The following BCL2 variants were observed in gnomAD, a reference collection of about 807,000 sequenced individuals.
The protein encoded by BCL2 is BCL2 apoptosis regulator.
A neutral mutation model predicts 14.2 loss-of-function variants in BCL2; 1 was observed. That is an observed-to-expected ratio of 0.07 (90% CI 0.02 to 0.33). The LOEUF (loss-of-function observed/expected upper bound fraction) is 0.33. Among genes scored for constraint, BCL2 ranks in the 10% least tolerant of loss-of-function variants. The pLI is 0.99. For missense variants in BCL2, 247 were observed against 305.9 expected, an observed-to-expected ratio of 0.81 and a Z score of 1.44; for synonymous variants, 151 against 137.2, an observed-to-expected ratio of 1.10 and a Z score of -0.70.
chr18:63,263,239 T>C (rs1305722483), intron 2 of BCL2, among the ~76,000 whole-genome samples: 2 of 152,178 alleles, frequency 1.3e-5, no homozygotes, highest in Non-Finnish European at 2.9e-5. Flanking sequence ...AATATTCTAG[T>C]AGCATACCAC....
chr18:63,136,638 C>A (rs992459557), intron 2 of BCL2, among the ~76,000 whole-genome samples: 2 of 152,206 alleles, frequency 1.3e-5, no homozygotes, highest in Non-Finnish European at 2.9e-5. Flanking sequence ...TTATTGCTAC[C>A]GGCAAACAGA....
At chr18:63,137,469 A>T (rs1477866892) in intron 2 of BCL2, among the ~76,000 whole-genome samples, 1 of 152,214 alleles carries the variant, frequency 6.6e-6, no homozygotes, top group Non-Finnish European at 1.5e-5. Context: ...TATATGGCAG[A>T]TTTTTCAAAC....
intron 2 of BCL2, among the ~76,000 whole-genome samples, chr18:63,313,230 C>T (rs895687153): frequency 7.2e-5 from 11 of 152,286 alleles, no homozygotes; most frequent in South Asian, 2.1e-4. Flanking sequence ...CTCTCCTTGC[C>T]GTGCCTCCAA....
chr18:63,149,687 C>T lies in BCL2; in HGVS notation c.586-20928G>A, dbSNP rs1450279400. On this transcript the variant is annotated intron_variant, in intron 2 of 2. Coordinates refer to ENST00000333681, the MANE Select transcript of BCL2 (RefSeq NM_000633.3). This position sits in a 1 kb window ranked among gnomAD's most constrained non-coding sequence, Gnocchi z 4.2. ...TTTTCATTTCAGGCCTGAAAAATAACACTGTTATGACAGTGACCGGCAGAT... is the reference window on the plus strand; with the variant it reads ...TTTTCATTTCAGGCCTGAAAAATAATACTGTTATGACAGTGACCGGCAGAT... 2.0e-5 allele frequency among the ~76,000 whole-genome samples: 3 copies of T among 152,084 alleles called. No individual in the cohort carries two copies. The highest frequency in any genetic ancestry group is 4.8e-5 in the African/African-American group (2 of 41,396).
At chr18:63,251,034 G>A (rs550816639) in intron 2 of BCL2, among the ~76,000 whole-genome samples, 4 of 152,160 alleles carry the variant, frequency 2.6e-5, no homozygotes, top group South Asian at 2.1e-4. Context: ...ATGAATTGAC[G>A]TAAGACAAAT....
intron 2 of BCL2, among the ~76,000 whole-genome samples, chr18:63,211,559 G>A (rs1482495017): frequency 6.6e-6 from 1 of 152,180 alleles, no homozygotes. Context: ...CTTTGCAGGT[G>A]CACTGTCATT....
chr18:63,316,461 C>A (rs1262657874), intron 2 of BCL2: 1 of 152,150 alleles, frequency 6.6e-6, no homozygotes. Flanking sequence ...ATCAAACCAC[C>A]TACTTAACCA....
rs1353527703 is a variant in BCL2 at position 63,126,062 on chromosome 18, G to C, written c.*2563C>G. 4.6e-6 allele frequency: 1 copy of C among 217,998 alleles called. No homozygotes were observed. Among genetic ancestry groups the C allele is most frequent in the Non-Finnish European group, 9.2e-6 (1 of 108,240 alleles). The allele number at this position is 217,998 out of a possible 1,614,324, so 13.5% of individuals were successfully genotyped here. A position where few individuals can be genotyped will look rare whatever the true frequency, so the allele number is the denominator to read the frequency against. On this transcript the variant is annotated 3_prime_UTR_variant, in exon 3 of 3. Transcript: ENST00000333681. Reference sequence around the variant, plus strand: ...TACCACGTGGAGCATACTGCAAACTGACTCCATTAAAATGATTTTGGCAGG... The same window carrying C: ...TACCACGTGGAGCATACTGCAAACTCACTCCATTAAAATGATTTTGGCAGG...
At chr18:63,290,591 T>A (rs1218081287) in intron 2 of BCL2, among the ~76,000 whole-genome samples, 1 of 152,122 alleles carries the variant, frequency 6.6e-6, no homozygotes, top group Admixed American at 6.5e-5. Context: ...ATCACAGTAA[T>A]CCTGTGTGAC....
intron 2 of BCL2, among the ~76,000 whole-genome samples, chr18:63,236,715 G>A (rs982819483): frequency 7.9e-6 from 1 of 127,312 alleles, no homozygotes; most frequent in Non-Finnish European, 1.7e-5. Flanking sequence ...AGAGGAGGAA[G>A]GGGCCGGAGG....
At chr18:63,191,913 A>T (rs1909300276) in intron 2 of BCL2, among the ~76,000 whole-genome samples, 1 of 152,238 alleles carries the variant, frequency 6.6e-6, no homozygotes, top group Non-Finnish European at 1.5e-5. Flanking sequence ...TTTCTTTTGC[A>T]TTATTAAAAA....
intron 2 of BCL2, among the ~76,000 whole-genome samples, chr18:63,143,493 C>T (rs1174526269): frequency 1.3e-5 from 2 of 152,238 alleles, no homozygotes; most frequent in African/African-American, 2.4e-5. Context: ...CGAGAAAAGT[C>T]GTGCCCCTGG....
At chr18:63,158,110 G>A (rs549589614) in intron 2 of BCL2, among the ~76,000 whole-genome samples, 1 of 152,170 alleles carries the variant, frequency 6.6e-6, no homozygotes, top group South Asian at 2.1e-4. Context: ...ATTGAGGAGG[G>A]TCACAAGCTG....
intron 2 of BCL2, among the ~76,000 whole-genome samples, chr18:63,261,174 TAGAATGTTATTCCACTTAGAAA>T (rs1230114397): frequency 6.6e-6 from 1 of 151,918 alleles, no homozygotes; most frequent in Non-Finnish European, 1.5e-5. Flanking sequence ...GCAGGAGGAG[TAGAATGTTATTCCACTTAGAAA>T]AGAATCCAAC....
chr18:63,245,924 A>C (rs1338306231), intron 2 of BCL2, among the ~76,000 whole-genome samples: 1 of 152,106 alleles, frequency 6.6e-6, no homozygotes, highest in Non-Finnish European at 1.5e-5. Flanking sequence ...TCTTTCTTCT[A>C]CTCACAGTAT....
At chr18:63,273,224 A>G (rs943955744) in intron 2 of BCL2, among the ~76,000 whole-genome samples, 11 of 152,360 alleles carry the variant, frequency 7.2e-5, no homozygotes, top group Non-Finnish European at 1.6e-4. Context: ...TAGGTCTTCC[A>G]GCAAAACCAA....
Position 63,318,820 on chromosome 18 carries a change from C to A in BCL2, c.-154G>T. 7.0e-7 allele frequency: 1 copy of A among 1,435,886 alleles called. No individual in the cohort carries two copies. The highest frequency in any genetic ancestry group is 9.1e-7 in the Non-Finnish European group (1 of 1,093,542). 88.9% of individuals were successfully genotyped at this position (1,435,886 alleles called of 1,614,324 possible). A position where few individuals can be genotyped will look rare whatever the true frequency, so the allele number is the denominator to read the frequency against. On this transcript the variant is annotated 5_prime_UTR_variant, in exon 2 of 3. Coordinates refer to ENST00000333681, the MANE Select transcript of BCL2 (RefSeq NM_000633.3). This position sits in a 1 kb window ranked among gnomAD's most constrained non-coding sequence, Gnocchi z 7.4. ...AGGGGGTGTCTTCAATCACGCGGAA[C>A]ACTTGATTCTGGTGTTTCCCCCTTG... is the stretch of plus-strand genomic sequence containing the variant.
chr18:63,220,612 C>CA (rs200627562), intron 2 of BCL2, among the ~76,000 whole-genome samples: 3,353 of 152,270 alleles, frequency 0.022, 112 homozygotes, highest in South Asian at 0.089. Flanking sequence ...ATGGTTTCTG[C>CA]AAGCTAGCAC....
chr18:63,281,177 G>T (rs968496165), intron 2 of BCL2, among the ~76,000 whole-genome samples: 3 of 152,036 alleles, frequency 2.0e-5, no homozygotes, highest in Non-Finnish European at 4.4e-5. Context: ...AGGCGTGGGG[G>T]AACAGGCATT....
Sources: gnomAD v4.1 joint callset for allele counts (sites outside exome capture counted in the v4.1 genomes callset) on GRCh38, gnomAD v4.1.1 for gene constraint, Gnocchi (gnomAD v3.1) non-coding constraint, MANE v1.5 for transcripts, NCBI Gene and HGNC (gene_info 2026-07-23, HGNC 2026-07-21) for gene names.